GPR37: variants seen among roughly 807,000 people sequenced by gnomAD.
GPR37 encodes the protein prosaposin receptor GPR37.
GPR37 carries 20 observed loss-of-function variants against 43.6 expected under a neutral mutation model. The ratio of observed to expected loss-of-function variants is 0.46; its 90% CI spans 0.32 to 0.67. GPR37 has a LOEUF of 0.67. Among genes scored for constraint, GPR37 ranks in the 30% least tolerant of loss-of-function variants. The pLI is 0.03. For synonymous variants in GPR37, 315 were observed against 322.6 expected, an observed-to-expected ratio of 0.98 and a Z score of 0.25; for missense variants, 724 against 797.2, an observed-to-expected ratio of 0.91 and a Z score of 1.11.
At chr7:124,748,507 T>C (rs78368245) in intron 1 of GPR37, among the ~76,000 whole-genome samples, 2,928 of 152,120 alleles carry the variant, frequency 0.019, 55 homozygotes, top group Non-Finnish European at 0.029. Context: ...AGTCACAATA[T>C]GCAAGAGACA....
At position 124,747,193 on chromosome 7, in the gene GPR37, A is replaced by G; in HGVS notation, c.1174T>C (p.Leu392=). Residue 392 remains leucine, a synonymous_variant, in exon 2 of 2, where the codon TTG becomes CTG. Coordinates refer to ENST00000303921, the MANE Select transcript of GPR37 (RefSeq NM_005302.5). ...KLAVIWVGAL[L]LALPEVVLRQ... ...AGAACAACTTCTGGAAGTGCTAACA[A>G]TAGAGCTCCCACCCATATAACAGCA... The G allele has an allele frequency of 6.2e-7, 1 of 1,613,976 alleles. No individual in the cohort carries two copies. Among genetic ancestry groups the G allele is most frequent in the Non-Finnish European group, 8.5e-7 (1 of 1,179,918 alleles).
At position 124,764,017 on chromosome 7, in the gene GPR37, G is replaced by T. The variant is rs1471522564; in HGVS notation, c.960C>A (p.Phe320Leu). The T allele has an allele frequency of 6.2e-7, 1 of 1,614,018 alleles. No homozygotes were observed. The highest frequency in any genetic ancestry group is 8.5e-7 in the Non-Finnish European group (1 of 1,180,028). The stretch of plus-strand genomic sequence containing the variant: ...GCAGCCACTTCTTGGTCAGCTCGTG[G>T]AAGATGACCAGCGGAAGGCAGAAGA... ...IIFFCLPLVI[F>L]HELTKKWLLE... The change falls in exon 1 of 2, where the codon TTC becomes TTA. Residue 320 changes from phenylalanine to leucine, a missense_variant. Phe to Leu is a conservative substitution (Grantham distance 22). Around this residue, in one of 2 missense-constraint regions of GPR37, gnomAD observed 342 missense variants for 441.8 expected, o/e 0.77. Transcript: ENST00000303921. This position sits in a 1 kb window ranked among gnomAD's most constrained non-coding sequence, Gnocchi z 5.4.
intron 1 of GPR37, among the ~76,000 whole-genome samples, chr7:124,753,863 C>A (rs1473542170): frequency 2.0e-5 from 3 of 151,966 alleles, no homozygotes; most frequent in Non-Finnish European, 4.4e-5. Flanking sequence ...ATCGTGAGTC[C>A]CAAATTTTGG....
chr7:124,760,640 T>G (rs1203722692), intron 1 of GPR37, among the ~76,000 whole-genome samples: 2 of 152,156 alleles, frequency 1.3e-5, no homozygotes, highest in African/African-American at 4.8e-5. Flanking sequence ...ATTTTTCAGA[T>G]GCCAAGGAGC....
Position 124,747,076 on chromosome 7 carries a change from T to C in GPR37, c.1291A>G (p.Ile431Val), listed in dbSNP as rs780225867. 4.3e-6 allele frequency: 7 copies of C among 1,613,932 alleles called. No individual in the cohort carries two copies. Among genetic ancestry groups the C allele is most frequent in the Admixed American group, 3.3e-5 (2 of 60,006 alleles). The change falls in exon 2 of 2, where the codon ATC (isoleucine) becomes GTC (valine). Residue 431 changes from isoleucine to valine, a missense_variant. Transcript: ENST00000303921. ...IKISPDLPDTIYVLALTYDSA... is the reference protein window; with the variant it reads ...IKISPDLPDTVYVLALTYDSA... Reference sequence around the variant, plus strand: ...TCGTAGGTGAGGGCTAGAACATAGATGGTGTCTGGTAAATCAGGAGAGATC... The same window carrying C: ...TCGTAGGTGAGGGCTAGAACATAGACGGTGTCTGGTAAATCAGGAGAGATC...
chr7:124,756,978 C>T (rs1041456483), intron 1 of GPR37, among the ~76,000 whole-genome samples: 1 of 152,146 alleles, frequency 6.6e-6, no homozygotes, highest in Non-Finnish European at 1.5e-5. Flanking sequence ...ACATTTGCCT[C>T]CTTGTCTCTG....
chr7:124,751,413 T>C (rs571110422), intron 1 of GPR37, among the ~76,000 whole-genome samples: 11 of 152,218 alleles, frequency 7.2e-5, no homozygotes, highest in African/African-American at 2.4e-4. Context: ...TCAGTACTTT[T>C]CCAAATTATT....
At position 124,747,166 on chromosome 7, in the gene GPR37, G is replaced by A. The variant is rs1364183688; in HGVS notation, c.1201C>T (p.Arg401Cys). ...LLLALPEVVL[R>C]QLSKEDLGFS... is the part of the protein sequence containing the mutation. ...CCCAAATCCTCCTTGCTCAGCTGGCGGAGAACAACTTCTGGAAGTGCTAAC... is the reference window on the plus strand; with the variant it reads ...CCCAAATCCTCCTTGCTCAGCTGGCAGAGAACAACTTCTGGAAGTGCTAAC... Residue 401 changes from arginine (R) to cysteine (C), a missense_variant, in exon 2 of 2, where the codon CGC (arginine) becomes TGC (cysteine). Physicochemically the swap from Arg to Cys is radical, Grantham distance 180 (BLOSUM62 -3). Coordinates refer to ENST00000303921, the MANE Select transcript of GPR37 (RefSeq NM_005302.5). 3.1e-6 allele frequency: 5 copies of A among 1,613,820 alleles called. No individual in the cohort carries two copies. The highest frequency in any genetic ancestry group is 2.2e-5 in the East Asian group (1 of 44,870).
At chr7:124,762,333 C>T (rs951645757) in intron 1 of GPR37, among the ~76,000 whole-genome samples, 1 of 151,600 alleles carries the variant, frequency 6.6e-6, no homozygotes, top group Middle Eastern at 3.4e-3. Flanking sequence ...CTTTTTCTGT[C>T]CTATTGTTTT....
intron 1 of GPR37, among the ~76,000 whole-genome samples, chr7:124,753,269 A>G (rs969291301): frequency 2.0e-5 from 3 of 152,032 alleles, no homozygotes; most frequent in African/African-American, 7.2e-5. Flanking sequence ...ATTATATTCT[A>G]TATTTTGAAT....
chr7:124,759,009 TTAAA>T (rs1321020417), intron 1 of GPR37, among the ~76,000 whole-genome samples: 1 of 152,144 alleles, frequency 6.6e-6, no homozygotes, highest in Non-Finnish European at 1.5e-5. Context: ...CTGACTTCCA[TTAAA>T]TAATGAGCAA....
chr7:124,755,603 T>C (rs1793782831), intron 1 of GPR37, among the ~76,000 whole-genome samples: 1 of 152,208 alleles, frequency 6.6e-6, no homozygotes, highest in South Asian at 2.1e-4. Flanking sequence ...TAACATGTTA[T>C]AATTCCTATC....
intron 1 of GPR37, among the ~76,000 whole-genome samples, chr7:124,760,676 G>C (rs984748698): frequency 6.6e-6 from 1 of 152,122 alleles, no homozygotes; most frequent in Admixed American, 6.5e-5. Context: ...ACACTCACTG[G>C]ATAAAGCTTG....
At chr7:124,758,225 A>T (rs1050485770) in intron 1 of GPR37, among the ~76,000 whole-genome samples, 1 of 152,224 alleles carries the variant, frequency 6.6e-6, no homozygotes, top group African/African-American at 2.4e-5. Flanking sequence ...ATGGAGTTAT[A>T]AATAAAAGTG....
intron 1 of GPR37, 93 bp from the exon 2 acceptor site, chr7:124,747,436 A>T: frequency 1.4e-6 from 1 of 723,768 alleles, no homozygotes. Context: ...CTGTAAAAAA[A>T]AATATGGATA....
At position 124,745,833 on chromosome 7, in the gene GPR37, T is replaced by G. The variant is rs912161607; in HGVS notation, c.*692A>C. ...GTAATTTGACATCTATACCTGAATATTAAAAATACAGCTTTGTTTTAACAT... is the reference window on the plus strand; with the variant it reads ...GTAATTTGACATCTATACCTGAATAGTAAAAATACAGCTTTGTTTTAACAT... On this transcript the variant is annotated 3_prime_UTR_variant, in exon 2 of 2. Coordinates refer to ENST00000303921, the MANE Select transcript of GPR37 (RefSeq NM_005302.5). Among the ~76,000 whole-genome samples the G allele has an allele frequency of 2.6e-5, 4 of 152,202 alleles. No homozygotes were observed. The highest frequency in any genetic ancestry group is 5.9e-5 in the Non-Finnish European group (4 of 68,020).
intron 1 of GPR37, among the ~76,000 whole-genome samples, chr7:124,760,630 A>C (rs1333206326): frequency 6.6e-6 from 1 of 152,100 alleles, no homozygotes; most frequent in Admixed American, 6.6e-5. Context: ...AAAAGAAAAA[A>C]TTTTTCAGAT....
intron 1 of GPR37, among the ~76,000 whole-genome samples, chr7:124,754,146 A>T (rs1352419783): frequency 6.6e-6 from 1 of 152,166 alleles, no homozygotes; most frequent in Non-Finnish European, 1.5e-5. Context: ...ATAAGTCAAG[A>T]TATAACTAGA....
In GPR37 at chr7:124,765,137, G is replaced by T; in HGVS notation, c.-161C>A. On this transcript the variant is annotated 5_prime_UTR_variant, in exon 1 of 2. Transcript: ENST00000303921. ...GGTGATAGCGGAAGATCGGTCTTGG[G>T]GGTCACACACACGCCCCCTATAATC... 1.7e-6 allele frequency: 1 copy of T among 598,490 alleles called. No individual in the cohort carries two copies. Among genetic ancestry groups the T allele is most frequent in the Non-Finnish European group, 2.7e-6 (1 of 364,846 alleles). 37.1% of individuals were successfully genotyped at this position (598,490 alleles called of 1,614,324 possible). A position where few individuals can be genotyped will look rare whatever the true frequency, so the allele number is the denominator to read the frequency against.
Sources: gnomAD v4.1 joint callset for allele counts (sites outside exome capture counted in the v4.1 genomes callset) on GRCh38, gnomAD v4.1.1 for gene constraint, gnomAD v4.1.1 regional missense constraint, Gnocchi (gnomAD v3.1) non-coding constraint, MANE v1.5 for transcripts, NCBI Gene and HGNC (gene_info 2026-07-23, HGNC 2026-07-21) for gene names.